Variants in DAB2IP observed in about 807,000 individuals in gnomAD.
DAB2IP encodes the protein DAB2 interacting protein.
Under a neutral mutation model 107.2 loss-of-function variants are expected in DAB2IP, and 28 were observed. That is an observed-to-expected ratio of 0.26 (90% confidence interval 0.19 to 0.36). DAB2IP has a LOEUF of 0.36. Among genes scored for constraint, DAB2IP ranks in the 10% least tolerant of loss-of-function variants. The pLI, the probability that DAB2IP is intolerant of heterozygous loss-of-function variation, is 1.00. For missense variants in DAB2IP, 1,400 were observed against 1,644.7 expected (o/e 0.85, Z 2.57); for synonymous variants, 755 against 706.4 (o/e 1.07, Z -1.09).
At chr9:121,637,784 AATGGGGGAATTT>A (rs1381470588) in intron 1 of DAB2IP, among the ~76,000 whole-genome samples, 1 of 152,198 alleles carries the variant, frequency 6.6e-6, no homozygotes, top group Non-Finnish European at 1.5e-5. Flanking sequence ...TGTGAAAGAT[AATGGGGGAATTT>A]ATATGATGGG....
chr9:121,661,670 A>AAACAAC (rs1044897675), intron 1 of DAB2IP, among the ~76,000 whole-genome samples: 1 of 152,070 alleles, frequency 6.6e-6, no homozygotes, highest in Non-Finnish European at 1.5e-5. Flanking sequence ...CATCTACATG[A>AAACAAC]AACAACAACA....
At chr9:121,571,800 G>C (rs980135402) in intron 1 of DAB2IP, among the ~76,000 whole-genome samples, 2 of 151,950 alleles carry the variant, frequency 1.3e-5, no homozygotes, top group South Asian at 2.1e-4. Context: ...GAGCCCCTTA[G>C]AGCATGGCCA....
intron 4 of DAB2IP, among the ~76,000 whole-genome samples, chr9:121,758,089 C>G (rs2118958723): frequency 6.6e-6 from 1 of 152,306 alleles, no homozygotes; most frequent in East Asian, 1.9e-4. Flanking sequence ...TGAAGATGGC[C>G]CTGTCTGCTG....
At chr9:121,706,246 G>A (rs1403297326) in intron 3 of DAB2IP, among the ~76,000 whole-genome samples, 1 of 152,186 alleles carries the variant, frequency 6.6e-6, no homozygotes, top group East Asian at 1.9e-4. Context: ...GGCTGAGGTG[G>A]GGCTGCACCA....
intron 1 of DAB2IP, among the ~76,000 whole-genome samples, chr9:121,664,491 C>T (rs187706472): frequency 2.0e-5 from 3 of 152,300 alleles, no homozygotes; most frequent in Admixed American, 2.0e-4. Context: ...GGAGAAATGT[C>T]AACTAAGCAA....
intron 1 of DAB2IP, among the ~76,000 whole-genome samples, chr9:121,627,893 C>T (rs1831721339): frequency 6.6e-6 from 1 of 152,234 alleles, no homozygotes; most frequent in Non-Finnish European, 1.5e-5. Flanking sequence ...CTCACTGTTT[C>T]TATCTGCTGC....
chr9:121,722,766 A>G lies in DAB2IP; in HGVS notation c.362+23308A>G, dbSNP rs186520957. Among the ~76,000 whole-genome samples, 7 of 152,308 alleles carry G rather than the reference A, an allele frequency of 4.6e-5. No individual in the cohort carries two copies. In the East Asian group the frequency reaches 1.2e-3, roughly 25 times the overall value. The stretch of plus-strand genomic sequence containing the variant: ...TGAGGCAGGAGTATCCTTTGAGCCC[A>G]GGAGTTTGAGTCTAGCCTGGGCAAT... On this transcript the variant is annotated intron_variant, in intron 3 of 15. Coordinates refer to ENST00000408936, the Ensembl canonical transcript of DAB2IP.
intron 3 of DAB2IP, among the ~76,000 whole-genome samples, chr9:121,717,224 C>T (rs1830654281): frequency 2.0e-5 from 3 of 152,168 alleles, no homozygotes; most frequent in South Asian, 2.1e-4. Flanking sequence ...GGTGGGACTT[C>T]GGGTCAAGCA....
chr9:121,616,216 G>T (rs927900240), intron 1 of DAB2IP, among the ~76,000 whole-genome samples: 1 of 152,216 alleles, frequency 6.6e-6, no homozygotes. Context: ...GGGCGGGAAG[G>T]CTGCAGGGAA....
At chr9:121,630,533 A>AAT (rs200575067) in intron 1 of DAB2IP, among the ~76,000 whole-genome samples, 41,400 of 146,842 alleles carry the variant, frequency 0.28, 6,238 homozygotes, top group East Asian at 0.56. Flanking sequence ...TCATAAAAAA[A>AAT]TTTTTTTTTT....
upstream of DAB2IP, among the ~76,000 whole-genome samples, chr9:121,647,126 A>G (rs553009788): frequency 6.6e-6 from 1 of 152,186 alleles, no homozygotes; most frequent in Non-Finnish European, 1.5e-5. Flanking sequence ...TCCTCTGTTA[A>G]GAAGCCTTGG....
rs1162772589 is a variant in DAB2IP, at chr9:121,699,567, G to A, written c.362+109G>A. On this transcript the variant is annotated intron_variant, in intron 3 of 15. Coordinates refer to ENST00000408936, the Ensembl canonical transcript of DAB2IP. This position sits in a 1 kb window ranked among gnomAD's most constrained non-coding sequence, Gnocchi z 6.2. ...GCCCGGGGCGAGCCACACGGCGGTG[G>A]GGGGACCCCACGCCGCCCGCCGGGA... 1 of 1,022,904 alleles carries A rather than the reference G, an allele frequency of 9.8e-7. No homozygotes were observed. The highest frequency in any genetic ancestry group is 5.1e-5 in the East Asian group (1 of 19,524). 63.4% of individuals were successfully genotyped at this position (1,022,904 alleles called of 1,614,324 possible). A position where few individuals can be genotyped will look rare whatever the true frequency, so the allele number is the denominator to read the frequency against.
At chr9:121,628,900 G>A (rs1025986407) in intron 1 of DAB2IP, among the ~76,000 whole-genome samples, 6 of 152,236 alleles carry the variant, frequency 3.9e-5, no homozygotes, top group Non-Finnish European at 7.3e-5. Flanking sequence ...TCTGTAAAAT[G>A]TGATGATAAC....
intron 3 of DAB2IP, among the ~76,000 whole-genome samples, chr9:121,724,916 G>A (rs940255725): frequency 6.6e-6 from 1 of 152,152 alleles, no homozygotes; most frequent in Non-Finnish European, 1.5e-5. Context: ...AGGCCAAGGA[G>A]GGGGTGAACC....
rs561294999 is a variant in DAB2IP, at chr9:121,772,239, G to A, written c.2079-368G>A. 2.0e-5 allele frequency among the ~76,000 whole-genome samples: 3 copies of A among 152,318 alleles called. No individual in the cohort carries two copies. The highest frequency in any genetic ancestry group is 1.9e-4 in the East Asian group (1 of 5,188). ...AGTTGGGGTTCTCAATGCAGGATCC[G>A]TGGATAGCAGAGAGCCACTGAGTTG... On this transcript the variant is annotated intron_variant, in intron 11 of 15. Coordinates refer to ENST00000408936, the Ensembl canonical transcript of DAB2IP. This position sits in a 1 kb window ranked among gnomAD's most constrained non-coding sequence, Gnocchi z 4.7.
chr9:121,593,597 ACTTT>A lies in DAB2IP; in HGVS notation c.40+26390_40+26393del, dbSNP rs375746544. Among the ~76,000 whole-genome samples the A allele has an allele frequency of 6.2e-3, 905 of 146,024 alleles. 5 individuals carry two copies. Among genetic ancestry groups the A allele is most frequent in the African/African-American group, 0.016 (623 of 39,504 alleles). The stretch of plus-strand genomic sequence containing the variant: ...CCCTGGAATTTTTGATCAGCCTCCC[ACTTT>A]CTTTCTTTCTTTCTTTCTTTATTAG... On this transcript the variant is annotated intron_variant, in intron 1 of 16. Coordinates refer to the DAB2IP transcript ENST00000259371.
Position 121,745,204 on chromosome 9 carries a change from C to A in DAB2IP, c.363-11809C>A, listed in dbSNP as rs1832641282. On this transcript the variant is annotated intron_variant, in intron 3 of 15. Coordinates refer to ENST00000408936, the Ensembl canonical transcript of DAB2IP. Reference sequence around the variant, plus strand: ...GTTAGCTGTGTGAGGGTCAGAGGTGCAGAGACAGCCCTACGTGCCCTTCCC... The same window carrying A: ...GTTAGCTGTGTGAGGGTCAGAGGTGAAGAGACAGCCCTACGTGCCCTTCCC... Among the ~76,000 whole-genome samples, 3 of 152,180 alleles carry A rather than the reference C, an allele frequency of 2.0e-5. No individual in the cohort carries two copies. The South Asian group carries it at 6.2e-4, about 32-fold the overall frequency.
rs535554732 is a variant in DAB2IP at position 121,633,806 on chromosome 9, T to A, written c.41-44872T>A. On this transcript the variant is annotated intron_variant, in intron 1 of 16. Transcript: ENST00000259371. This position sits in a 1 kb window ranked among gnomAD's most constrained non-coding sequence, Gnocchi z 5.1. ...CTCCAGGCCCAAACCCTCACCATAG[T>A]CTAAGTACATGGCATTTGGATAAGG... 2.3e-4 allele frequency among the ~76,000 whole-genome samples: 35 copies of A among 152,286 alleles called. No homozygotes were observed. The highest frequency in any genetic ancestry group is 6.7e-4 in the African/African-American group (28 of 41,554).
At chr9:121,601,112 A>C (rs1466257892) in intron 1 of DAB2IP, among the ~76,000 whole-genome samples, 1 of 152,230 alleles carries the variant, frequency 6.6e-6, no homozygotes, top group Non-Finnish European at 1.5e-5. Flanking sequence ...GCAATGAACT[A>C]TTCAGAATGT....
Sources: allele counts gnomAD v4.1 joint callset (sites outside exome capture counted in the v4.1 genomes callset), GRCh38; gene constraint gnomAD v4.1.1; non-coding constraint Gnocchi (gnomAD v3.1); transcripts MANE v1.5; gene names NCBI Gene and HGNC (gene_info 2026-07-23, HGNC 2026-07-21).